The following LMBR1 variants were observed in gnomAD, a reference collection of about 807,000 sequenced individuals.
The protein encoded by LMBR1 is limb development membrane protein 1, also known as limb region 1 protein homolog.
LMBR1 carries 52 observed loss-of-function variants against 73.9 expected under a neutral mutation model. The ratio of observed to expected loss-of-function variants is 0.70; its 90% CI spans 0.56 to 0.89. The LOEUF is 0.89. LMBR1 is among the 40% of genes least tolerant of loss of function. LMBR1 has a pLI of 0.00. For missense variants in LMBR1, 539 were observed against 579.8 expected (o/e 0.93, Z 0.72); for synonymous variants, 215 against 209.4 (o/e 1.03, Z -0.23).
At chr7:156,808,115 A>C (rs1440190502) in intron 4 of LMBR1, among the ~76,000 whole-genome samples, 2 of 152,178 alleles carry the variant, frequency 1.3e-5, no homozygotes, top group Non-Finnish European at 2.9e-5. Flanking sequence ...ATAAATGTTA[A>C]TTAGGTCAAG....
intron 1 of LMBR1, among the ~76,000 whole-genome samples, chr7:156,846,700 C>T (rs756298484): frequency 1.2e-4 from 18 of 151,998 alleles, no homozygotes; most frequent in African/African-American, 2.2e-4. Flanking sequence ...CTAAATTTTA[C>T]ATGGAGAAGC....
At chr7:156,708,361 T>A (rs538501164) in intron 15 of LMBR1, among the ~76,000 whole-genome samples, 13 of 152,326 alleles carry the variant, frequency 8.5e-5, no homozygotes, top group Admixed American at 3.3e-4. Flanking sequence ...ACACACATCC[T>A]CACTGTGGTA....
At position 156,734,231 on chromosome 7, in the gene LMBR1, T is replaced by C. The variant is rs906392566; in HGVS notation, c.784A>G (p.Ile262Val). 2 of 1,610,302 alleles carry C rather than the reference T, an allele frequency of 1.2e-6. No individual in the cohort carries two copies. Among genetic ancestry groups the C allele is most frequent in the Admixed American group, 1.7e-5 (1 of 59,120 alleles). The change falls in exon 10 of 17, where the codon ATA becomes GTA. Residue 262 changes from isoleucine to valine, a missense_variant. This residue lies in a region of LMBR1 where 454 missense variants were observed against 473.4 expected (regional missense o/e 0.96). Transcript: ENST00000353442. The stretch of plus-strand genomic sequence containing the variant: ...TCAAGTTCTTGTTCCAACTCCATTA[T>C]GTTGTATTCCACCGATGAAGACAGC... ...NGLSSSVEYN[I>V]MELEQELENV...
intron 1 of LMBR1, among the ~76,000 whole-genome samples, chr7:156,891,231 T>C (rs181294126): frequency 0.25 from 19,446 of 77,634 alleles, 2,890 homozygotes; most frequent in East Asian, 0.38. Flanking sequence ...TATATATATA[T>C]ATACACACAC....
intron 9 of LMBR1, among the ~76,000 whole-genome samples, chr7:156,741,158 T>C (rs1585491347): frequency 6.6e-6 from 1 of 151,928 alleles, no homozygotes; most frequent in South Asian, 2.1e-4. Context: ...ATACAATGGA[T>C]ACTCAAAAAA....
At chr7:156,714,888 C>T (rs1043247916) in intron 15 of LMBR1, among the ~76,000 whole-genome samples, 4 of 151,848 alleles carry the variant, frequency 2.6e-5, no homozygotes, top group East Asian at 1.9e-4. Flanking sequence ...GCCAAGGAAA[C>T]GGAGAAGAGG....
At chr7:156,724,968 ATGT>A (rs1227738844) in intron 14 of LMBR1, among the ~76,000 whole-genome samples, 2 of 152,194 alleles carry the variant, frequency 1.3e-5, no homozygotes, top group African/African-American at 4.8e-5. Context: ...ACCCAATGAC[ATGT>A]TGTGGAAAAA....
intron 8 of LMBR1, among the ~76,000 whole-genome samples, chr7:156,759,750 A>G (rs940174600): frequency 6.6e-6 from 1 of 152,022 alleles, no homozygotes; most frequent in African/African-American, 2.4e-5. Context: ...CAGCAAGGCA[A>G]TTTTTACTTC....
chr7:156,694,164 C>T (rs1563148411), intron 15 of LMBR1, among the ~76,000 whole-genome samples: 1 of 151,880 alleles, frequency 6.6e-6, no homozygotes, highest in East Asian at 1.9e-4. Flanking sequence ...ATAATAGAGA[C>T]ATTTTTTTTT....
At chr7:156,699,453 T>G (rs1190642694) in intron 15 of LMBR1, among the ~76,000 whole-genome samples, 1 of 151,466 alleles carries the variant, frequency 6.6e-6, no homozygotes, top group Non-Finnish European at 1.5e-5. Context: ...ATAAAAACCC[T>G]AGAAGAAAAC....
chr7:156,750,782 T>TA (rs1353363851), intron 9 of LMBR1, among the ~76,000 whole-genome samples: 1 of 152,038 alleles, frequency 6.6e-6, no homozygotes, highest in Non-Finnish European at 1.5e-5. Context: ...GCTGCCCCAA[T>TA]AAGGTGCGGT....
chr7:156,832,273 A>G (rs1376747928), intron 3 of LMBR1, among the ~76,000 whole-genome samples: 2 of 152,218 alleles, frequency 1.3e-5, no homozygotes, highest in East Asian at 3.8e-4. Context: ...AATCAGGCAG[A>G]GTCAAGTCAT....
chr7:156,770,375 T>C (rs1824959823), intron 5 of LMBR1, among the ~76,000 whole-genome samples: 1 of 151,854 alleles, frequency 6.6e-6, no homozygotes, highest in African/African-American at 2.4e-5. Context: ...AGAGAATAAG[T>C]CAAAATATCT....
At chr7:156,814,884 C>A (rs567743244) in intron 4 of LMBR1, among the ~76,000 whole-genome samples, 1 of 152,102 alleles carries the variant, frequency 6.6e-6, no homozygotes, top group Non-Finnish European at 1.5e-5. Flanking sequence ...AGGCCAAGCG[C>A]GGTGGTTCAC....
intron 3 of LMBR1, 55 bp downstream of exon 3, chr7:156,833,698 G>C (rs1302308366): frequency 1.5e-6 from 2 of 1,311,416 alleles, no homozygotes; most frequent in East Asian, 4.7e-5. Context: ...ATTGGATTTT[G>C]AGAATTGATG....
rs140899513 is a variant in LMBR1, at chr7:156,704,423, T to C, written c.1226-16232A>G. Among the ~76,000 whole-genome samples the C allele has an allele frequency of 7.9e-5, 12 of 151,990 alleles. No homozygotes were observed. The East Asian group carries it at 2.3e-3, about 29-fold the overall frequency. On this transcript the variant is annotated intron_variant, in intron 15 of 16. Transcript: ENST00000353442. The stretch of plus-strand genomic sequence containing the variant: ...AAACAGCCCTACCTGCCCAAACACA[T>C]CATGGTCACATAGTCAAGAAAAAAA...
At chr7:156,790,719 A>T (rs1203811640) in intron 5 of LMBR1, among the ~76,000 whole-genome samples, 1 of 151,928 alleles carries the variant, frequency 6.6e-6, no homozygotes, top group Admixed American at 6.6e-5. Flanking sequence ...ACAGTGACAA[A>T]ATTAATGTCA....
At chr7:156,860,471 T>C (rs963851076) in intron 1 of LMBR1, among the ~76,000 whole-genome samples, 3 of 152,138 alleles carry the variant, frequency 2.0e-5, no homozygotes, top group Non-Finnish European at 4.4e-5. Flanking sequence ...AGATGAGATT[T>C]GGTAGGGGAC....
chr7:156,883,812 C>A (rs976413495), intron 1 of LMBR1, among the ~76,000 whole-genome samples: 1 of 152,124 alleles, frequency 6.6e-6, no homozygotes, highest in African/African-American at 2.4e-5. Flanking sequence ...TGACTCTGAC[C>A]CTCCTGCCTC....
Sources: allele counts gnomAD v4.1 joint callset (sites outside exome capture counted in the v4.1 genomes callset), GRCh38; gene constraint gnomAD v4.1.1; regional missense constraint gnomAD v4.1.1; transcripts MANE v1.5; gene names NCBI Gene and HGNC (gene_info 2026-07-23, HGNC 2026-07-21).